TAFA5: variants seen among roughly 807,000 people sequenced by gnomAD.
TAFA5 encodes the protein chemokine-like protein TAFA-5.
Under a neutral mutation model 15.3 loss-of-function variants are expected in TAFA5, and 6 were observed. The observed-to-expected ratio is 0.39, with a 90% CI of 0.21 to 0.77. TAFA5 has a LOEUF of 0.77. TAFA5 is among the 30% of genes least tolerant of loss of function. TAFA5 has a pLI of 0.41. For missense variants in TAFA5, 161 were observed against 193.1 expected, an observed-to-expected ratio of 0.83 and a Z score of 0.98; for synonymous variants, 103 against 80.7, an observed-to-expected ratio of 1.28 and a Z score of -1.48.
intron 3 of TAFA5, among the ~76,000 whole-genome samples, chr22:48,722,274 G>A (rs760973390): frequency 1.3e-5 from 2 of 152,132 alleles, no homozygotes; most frequent in East Asian, 1.9e-4. Context: ...TTGCGGCACC[G>A]TTCACGATAG....
chr22:48,573,889 C>T (rs1218946888), intron 1 of TAFA5, among the ~76,000 whole-genome samples: 2 of 152,198 alleles, frequency 1.3e-5, no homozygotes, highest in Non-Finnish European at 2.9e-5. Flanking sequence ...AGGGCAGGCT[C>T]TCTCTCCTGA....
At chr22:48,696,973 T>C (rs745585251) in intron 2 of TAFA5, among the ~76,000 whole-genome samples, 25 of 152,146 alleles carry the variant, frequency 1.6e-4, no homozygotes, top group South Asian at 4.1e-4. Flanking sequence ...GCATGCTAGC[T>C]CCCCTGCTGC....
At position 48,509,800 on chromosome 22, in the gene TAFA5, A is replaced by C. The variant is rs1003543409; in HGVS notation, c.112+20096A>C. Among the ~76,000 whole-genome samples the C allele has an allele frequency of 6.4e-4, 98 of 152,112 alleles. No homozygotes were observed. In the Middle Eastern group the frequency reaches 0.014, roughly 21 times the overall value. ...CCCCGTCTCTACTAAAAGTACAAAA[A>C]ATTAGCCGGGCACAGTGGCGGGCGC... On this transcript the variant is annotated intron_variant, in intron 1 of 3. Transcript: ENST00000402357.
chr22:48,631,385 C>T (rs752001782), intron 1 of TAFA5, among the ~76,000 whole-genome samples: 7 of 152,332 alleles, frequency 4.6e-5, no homozygotes, highest in East Asian at 1.9e-4. Flanking sequence ...CAGGGACTGA[C>T]GTAGACAGGC....
At chr22:48,729,392 ATAG>A (rs916574738) in intron 3 of TAFA5, among the ~76,000 whole-genome samples, 31 of 128,700 alleles carry the variant, frequency 2.4e-4, no homozygotes, top group African/African-American at 8.0e-4. Context: ...TAAATATATA[ATAG>A]TCATAAATAT....
At chr22:48,615,287 TC>T (rs1421196759) in intron 1 of TAFA5, among the ~76,000 whole-genome samples, 4 of 152,164 alleles carry the variant, frequency 2.6e-5, no homozygotes, top group Non-Finnish European at 4.4e-5. Context: ...TGAAAAGCAC[TC>T]GTATCTGCCC....
intron 1 of TAFA5, among the ~76,000 whole-genome samples, chr22:48,567,590 C>T (rs1923450031): frequency 6.6e-6 from 1 of 152,040 alleles, no homozygotes; most frequent in African/African-American, 2.4e-5. Context: ...GGGCAGGTGG[C>T]CTGAGGAGAG....
At chr22:48,708,621 G>A (rs570765851) in intron 3 of TAFA5, among the ~76,000 whole-genome samples, 1 of 152,340 alleles carries the variant, frequency 6.6e-6, no homozygotes, top group African/African-American at 2.4e-5. Flanking sequence ...CCTCACTAGC[G>A]AGTGGCACCC....
intron 1 of TAFA5, among the ~76,000 whole-genome samples, chr22:48,641,157 A>G (rs1020212517): frequency 5.3e-5 from 8 of 150,620 alleles, no homozygotes; most frequent in Non-Finnish European, 1.2e-4. Flanking sequence ...CCGTGGGGGC[A>G]CCGTGGCCCC....
intron 1 of TAFA5, chr22:48,539,256 G>C (rs1601564081): frequency 2.3e-6 from 1 of 430,220 alleles, no homozygotes; most frequent in Non-Finnish European, 4.8e-6. Flanking sequence ...CCCAGCCAGG[G>C]CCCTGGAGAG....
intron 1 of TAFA5, among the ~76,000 whole-genome samples, chr22:48,636,383 C>T (rs187585930): frequency 1.3e-5 from 2 of 152,196 alleles, no homozygotes; most frequent in African/African-American, 4.8e-5. Context: ...TAATAACAAA[C>T]TTGATTTCAC....
At chr22:48,643,931 G>A (rs968492303) in intron 1 of TAFA5, among the ~76,000 whole-genome samples, 4 of 152,206 alleles carry the variant, frequency 2.6e-5, no homozygotes, top group African/African-American at 7.2e-5. Context: ...CAGCAGCTGG[G>A]GACCATCCTC....
At chr22:48,556,706 G>A (rs1923052009) in intron 1 of TAFA5, among the ~76,000 whole-genome samples, 2 of 152,174 alleles carry the variant, frequency 1.3e-5, no homozygotes, top group Non-Finnish European at 2.9e-5. Flanking sequence ...AGTCCGACCC[G>A]AGAGGGAGTG....
intron 1 of TAFA5, among the ~76,000 whole-genome samples, chr22:48,553,843 A>G (rs1922939952): frequency 6.6e-6 from 1 of 152,040 alleles, no homozygotes; most frequent in South Asian, 2.1e-4. Context: ...CTGGAATCCA[A>G]CCGAGAACTT....
chr22:48,571,405 C>A (rs538688668), intron 1 of TAFA5, among the ~76,000 whole-genome samples: 101 of 149,608 alleles, frequency 6.8e-4, no homozygotes, highest in African/African-American at 2.3e-3. Flanking sequence ...ATCTGGAGTA[C>A]CTGGGATTAC....
At chr22:48,508,975 C>T (rs553867076) in intron 1 of TAFA5, among the ~76,000 whole-genome samples, 4 of 152,232 alleles carry the variant, frequency 2.6e-5, no homozygotes, top group Non-Finnish European at 5.9e-5. Flanking sequence ...CTCCTCCCCT[C>T]TCCAGCCTCT....
chr22:48,559,171 C>T (rs765895383), intron 1 of TAFA5, among the ~76,000 whole-genome samples: 5 of 152,138 alleles, frequency 3.3e-5, no homozygotes, highest in African/African-American at 4.8e-5. Flanking sequence ...TGAGGCCGCC[C>T]GGGGCCATGG....
At chr22:48,685,605 C>A (rs1350715053) in intron 2 of TAFA5, among the ~76,000 whole-genome samples, 1 of 152,064 alleles carries the variant, frequency 6.6e-6, no homozygotes, top group Non-Finnish European at 1.5e-5. Flanking sequence ...GGGGCCTAAA[C>A]TCCAAAAGGG....
chr22:48,626,246 G>T lies in TAFA5; in HGVS notation c.113-20351G>T, dbSNP rs151284995. Among the ~76,000 whole-genome samples the T allele has an allele frequency of 8.5e-4, 129 of 152,320 alleles. 2 individuals are homozygous for T. Among genetic ancestry groups the T allele is most frequent in the African/African-American group, 3.0e-3 (126 of 41,560 alleles). On this transcript the variant is annotated intron_variant, in intron 1 of 3. Coordinates refer to ENST00000402357, the MANE Select transcript of TAFA5 (RefSeq NM_001082967.3). Reference sequence around the variant, plus strand: ...TTTTGGGATCGTATGGTAAGAGTATGTTCTGCCTTGTAAGACGCTGCCAAG... The same window carrying T: ...TTTTGGGATCGTATGGTAAGAGTATTTTCTGCCTTGTAAGACGCTGCCAAG...
Sources: gnomAD v4.1 joint callset for allele counts (sites outside exome capture counted in the v4.1 genomes callset) on GRCh38, gnomAD v4.1.1 for gene constraint, MANE v1.5 for transcripts, NCBI Gene and HGNC (gene_info 2026-07-23, HGNC 2026-07-21) for gene names.